Variants in DLGAP2 observed in about 807,000 individuals in gnomAD.
The protein encoded by DLGAP2 is DLG associated protein 2.
DLGAP2 carries 26 observed loss-of-function variants against 100.3 expected under a neutral mutation model. The observed-to-expected ratio is 0.26, with a 90% confidence interval of 0.19 to 0.36. The LOEUF (loss-of-function observed/expected upper bound fraction) is 0.36, where lower values mean the gene tolerates loss of function less well. DLGAP2 is among the 10% of genes least tolerant of loss of function. The pLI is 1.00. For synonymous variants in DLGAP2, 886 were observed against 630.1 expected, an observed-to-expected ratio of 1.41 and a Z score of -6.08; for missense variants, 1,858 against 1,453.2, an observed-to-expected ratio of 1.28 and a Z score of -4.53.
rs529512208 is a variant in DLGAP2, at chr8:983,811, A to T, written c.73+75845A>T. The stretch of plus-strand genomic sequence containing the variant: ...ATAGGTGTATGTCACATGCCTGGCT[A>T]ATTTTTTTTGTAGAGACCAGGTCTC... On this transcript the variant is annotated intron_variant, in intron 2 of 14. Transcript: ENST00000637795. 2.8e-3 allele frequency among the ~76,000 whole-genome samples: 424 copies of T among 152,012 alleles called. 4 individuals carry two copies. Among genetic ancestry groups the T allele is most frequent in the African/African-American group, 9.9e-3 (409 of 41,474 alleles).
chr8:957,100 A>G (rs1799613608), intron 2 of DLGAP2, among the ~76,000 whole-genome samples: 2 of 152,292 alleles, frequency 1.3e-5, no homozygotes, highest in South Asian at 4.1e-4. Flanking sequence ...GTGGGAGAGG[A>G]GGTTTTCTTA....
intron 6 of DLGAP2, among the ~76,000 whole-genome samples, chr8:1,592,476 C>G (rs773198321): frequency 6.6e-6 from 1 of 151,972 alleles, no homozygotes. Context: ...TCCTGTTGCA[C>G]ATTTGCCCCC....
intron 1 of DLGAP2, among the ~76,000 whole-genome samples, chr8:785,984 G>A (rs551707217): frequency 6.6e-6 from 1 of 152,356 alleles, no homozygotes; most frequent in South Asian, 2.1e-4. Context: ...CCCCGTGGAG[G>A]TGTGATGTGT....
At chr8:1,168,487 A>G (rs1797063567) in intron 2 of DLGAP2, among the ~76,000 whole-genome samples, 1 of 149,008 alleles carries the variant, frequency 6.7e-6, no homozygotes, top group South Asian at 2.2e-4. Flanking sequence ...ACTAGTTTAC[A>G]GTCCCACCAA....
chr8:789,709 C>T (rs748818650), intron 1 of DLGAP2, among the ~76,000 whole-genome samples: 17 of 152,342 alleles, frequency 1.1e-4, no homozygotes, highest in Non-Finnish European at 1.9e-4. Flanking sequence ...CAATGCATTC[C>T]AGTCCTTTGG....
At chr8:947,492 G>A (rs1799358572) in intron 2 of DLGAP2, among the ~76,000 whole-genome samples, 1 of 152,220 alleles carries the variant, frequency 6.6e-6, no homozygotes, top group South Asian at 2.1e-4. Context: ...TGGCGGCTGT[G>A]TTCCAGTAAG....
At chr8:1,470,352 G>A (rs138862704) in intron 3 of DLGAP2, among the ~76,000 whole-genome samples, 16 of 152,216 alleles carry the variant, frequency 1.1e-4, no homozygotes, top group African/African-American at 3.6e-4. Context: ...AGTGAGCCCC[G>A]CTGGTTCCTT....
intron 3 of DLGAP2, among the ~76,000 whole-genome samples, chr8:1,267,691 C>G (rs1799495342): frequency 6.6e-6 from 1 of 151,930 alleles, no homozygotes; most frequent in Admixed American, 6.6e-5. Flanking sequence ...GATGAGACGC[C>G]CACGTCCTCC....
intron 3 of DLGAP2, among the ~76,000 whole-genome samples, chr8:1,380,887 G>A (rs185349556): frequency 1.6e-5 from 2 of 126,020 alleles, no homozygotes; most frequent in Admixed American, 1.0e-4. Flanking sequence ...TATGATTTTG[G>A]TGACCATTTG....
At chr8:1,441,824 C>G (rs992016864) in intron 3 of DLGAP2, among the ~76,000 whole-genome samples, 1 of 147,292 alleles carries the variant, frequency 6.8e-6, no homozygotes, top group African/African-American at 2.5e-5. Flanking sequence ...ATTTAAAGTT[C>G]TGGGATGTGC....
Position 1,531,533 on chromosome 8 carries a change from C to A in DLGAP2, c.173-17093C>A, listed in dbSNP as rs147500825. Among the ~76,000 whole-genome samples the A allele has an allele frequency of 9.2e-5, 14 of 152,086 alleles. No homozygotes were observed. In the East Asian group the frequency reaches 2.5e-3, roughly 27 times the overall value. Reference sequence around the variant, plus strand: ...GATAATTTTTTGAAGGAAATGTTTTCTTATTTACAGGAATCTTTTAAATAT... The same window carrying A: ...GATAATTTTTTGAAGGAAATGTTTTATTATTTACAGGAATCTTTTAAATAT... On this transcript the variant is annotated intron_variant, in intron 4 of 14. Coordinates refer to ENST00000637795, the MANE Select transcript of DLGAP2 (RefSeq NM_001346810.2).
chr8:1,555,996 C>G, intron 5 of DLGAP2, among the ~76,000 whole-genome samples: 1 of 152,194 alleles, frequency 6.6e-6, no homozygotes, highest in Non-Finnish European at 1.5e-5. Context: ...GGTGCATGCG[C>G]TGTTTTATCC....
chr8:1,471,527 C>T (rs948328408), intron 3 of DLGAP2, among the ~76,000 whole-genome samples: 2 of 148,848 alleles, frequency 1.3e-5, no homozygotes, highest in African/African-American at 5.1e-5. Flanking sequence ...ATGCCCTCCC[C>T]TCCCCTCCCA....
Position 818,061 on chromosome 8 carries a change from C to T in DLGAP2, c.18+80236C>T, listed in dbSNP as rs1796518274. On this transcript the variant is annotated intron_variant, in intron 1 of 14. Transcript: ENST00000637795. ...GGCAGTGGGCAGGGCCATAGAGCTC[C>T]CAAGATATTATGACCTCTGTTTCAG... is the stretch of plus-strand genomic sequence containing the variant. Among the ~76,000 whole-genome samples the T allele has an allele frequency of 2.0e-5, 3 of 151,972 alleles. No homozygotes were observed. The South Asian group carries it at 6.2e-4, about 32-fold the overall frequency.
intron 3 of DLGAP2, among the ~76,000 whole-genome samples, chr8:1,349,099 T>C (rs1882802): frequency 0.61 from 92,233 of 150,840 alleles, 29,692 homozygotes; most frequent in East Asian, 0.92. Context: ...GCTCAGAGAG[T>C]GCTGCCGTTT....
intron 1 of DLGAP2, among the ~76,000 whole-genome samples, chr8:800,259 G>T (rs1261137839): frequency 2.6e-5 from 4 of 152,214 alleles, no homozygotes. Context: ...GTTTGAGAGG[G>T]TTTTAAAGAT....
chr8:1,084,156 A>G (rs145793773), intron 2 of DLGAP2, among the ~76,000 whole-genome samples: 2 of 152,340 alleles, frequency 1.3e-5, no homozygotes, highest in African/African-American at 2.4e-5. Context: ...TAAGTCTTTT[A>G]TAGTGAAGTT....
intron 3 of DLGAP2, among the ~76,000 whole-genome samples, chr8:1,329,593 G>C (rs902704442): frequency 1.3e-5 from 2 of 152,162 alleles, no homozygotes; most frequent in Non-Finnish European, 2.9e-5. Flanking sequence ...TGACTACTCC[G>C]TCCTGGTTCT....
intron 3 of DLGAP2, among the ~76,000 whole-genome samples, chr8:1,352,918 C>G (rs1014953346): frequency 6.6e-6 from 1 of 152,184 alleles, no homozygotes; most frequent in African/African-American, 2.4e-5. Context: ...GGTCTTCCAG[C>G]TCAGCCTGCC....
Sources: allele counts gnomAD v4.1 joint callset (sites outside exome capture counted in the v4.1 genomes callset), GRCh38; gene constraint gnomAD v4.1.1; transcripts MANE v1.5; gene names NCBI Gene and HGNC (gene_info 2026-07-23, HGNC 2026-07-21).